RFC1: variants seen among roughly 807,000 people sequenced by gnomAD.
The protein encoded by RFC1 is replication factor C subunit 1.
In RFC1, 37 loss-of-function variants were observed where a neutral mutation model predicts 137.4. The ratio of observed to expected loss-of-function variants is 0.27; its 90% CI spans 0.21 to 0.35. The LOEUF (loss-of-function observed/expected upper bound fraction) is 0.35. RFC1 is among the 10% of genes least tolerant of loss of function. The pLI is 1.00. For missense variants in RFC1, 1,205 were observed against 1,358.5 expected, an observed-to-expected ratio of 0.89 and a Z score of 1.78; for synonymous variants, 429 against 455.7, an observed-to-expected ratio of 0.94 and a Z score of 0.75.
intron 1 of RFC1, among the ~76,000 whole-genome samples, chr4:39,364,582 T>C (rs1266132210): frequency 1.3e-5 from 2 of 152,188 alleles, no homozygotes; most frequent in Non-Finnish European, 2.9e-5. Context: ...ACACAAGCTA[T>C]GTTCACCATA....
chr4:39,347,877 T>C (rs1302392180), intron 2 of RFC1, among the ~76,000 whole-genome samples: 1 of 152,228 alleles, frequency 6.6e-6, no homozygotes, highest in Non-Finnish European at 1.5e-5. Context: ...ACAATTCTTA[T>C]TATAAAGTGG....
chr4:39,316,862 G>T, intron 10 of RFC1, 53 bp downstream of exon 10: 1 of 1,040,020 alleles, frequency 9.6e-7, no homozygotes, highest in South Asian at 1.3e-5. Flanking sequence ...TACATACATG[G>T]ACCCATACGG....
At chr4:39,291,175 G>A (rs992132504) in intron 23 of RFC1, among the ~76,000 whole-genome samples, 3 of 152,106 alleles carry the variant, frequency 2.0e-5, no homozygotes, top group African/African-American at 4.8e-5. Context: ...TAAGAAAAGT[G>A]GGGATACATT....
chr4:39,341,930 G>C (rs771550615), intron 4 of RFC1, among the ~76,000 whole-genome samples: 133 of 152,232 alleles, frequency 8.7e-4, no homozygotes, highest in Non-Finnish European at 1.6e-3. Flanking sequence ...TAAATTTGTA[G>C]TGTCACCAGA....
At chr4:39,328,637 G>A (rs1239978689) in intron 4 of RFC1, among the ~76,000 whole-genome samples, 3 of 152,168 alleles carry the variant, frequency 2.0e-5, no homozygotes, top group Admixed American at 6.5e-5. Flanking sequence ...CAATGCGGAG[G>A]CGTGCCAGAA....
At chr4:39,295,477 C>A (rs956063718) in intron 22 of RFC1, 137 bp downstream of exon 22, 3 of 644,764 alleles carry the variant, frequency 4.7e-6, no homozygotes, top group Non-Finnish European at 7.4e-6. Context: ...ATATAAGGAA[C>A]TTATCCAGGA....
chr4:39,305,844 G>A (rs1477431818), intron 14 of RFC1, among the ~76,000 whole-genome samples: 5 of 151,910 alleles, frequency 3.3e-5, no homozygotes, highest in African/African-American at 1.2e-4. Flanking sequence ...TAGGGACTAG[G>A]AAAAAAATGT....
chr4:39,311,697 A>G, intron 11 of RFC1, 148 bp from the exon 12 acceptor site: 1 of 575,744 alleles, frequency 1.7e-6, no homozygotes, highest in Non-Finnish European at 3.0e-6. Context: ...AAGAAAAACA[A>G]AAAATAGCAC....
chr4:39,304,948 C>T lies in RFC1; in HGVS notation c.1996-20G>A. ...CAACTCCTAATCAAAATATTGGAAA[C>T]CACTGAAGGCACAATACAAATTAAC... On this transcript the variant is annotated intron_variant, in intron 14 of 24. Transcript: ENST00000349703. 7 of 1,404,476 alleles carry T rather than the reference C, an allele frequency of 5.0e-6. No homozygotes were observed. Among genetic ancestry groups the T allele is most frequent in the Non-Finnish European group, 7.1e-6 (7 of 989,088 alleles). 87.0% of individuals were successfully genotyped at this position (1,404,476 alleles called of 1,614,324 possible). A position where few individuals can be genotyped will look rare whatever the true frequency, so the allele number is the denominator to read the frequency against.
At chr4:39,319,114 T>G (rs1209218585) in intron 9 of RFC1, among the ~76,000 whole-genome samples, 1 of 152,184 alleles carries the variant, frequency 6.6e-6, no homozygotes, top group African/African-American at 2.4e-5. Context: ...CAAATAACAA[T>G]CATTTTAATA....
chr4:39,317,680 C>G (rs1000442745), intron 9 of RFC1, among the ~76,000 whole-genome samples: 5 of 152,312 alleles, frequency 3.3e-5, no homozygotes, highest in Middle Eastern at 3.4e-3. Flanking sequence ...CTCCAAGTTT[C>G]TCTTTCGGAG....
chr4:39,306,939 G>T (rs575567101), intron 13 of RFC1, among the ~76,000 whole-genome samples: 1 of 152,246 alleles, frequency 6.6e-6, no homozygotes, highest in South Asian at 2.1e-4. Flanking sequence ...TAAAACTCTT[G>T]ATTTGAAATA....
chr4:39,313,344 G>C (rs752861787), intron 10 of RFC1, among the ~76,000 whole-genome samples: 2 of 152,134 alleles, frequency 1.3e-5, no homozygotes, highest in Non-Finnish European at 2.9e-5. Context: ...TTCCCAACAA[G>C]AATTTAATAG....
At chr4:39,361,835 T>C (rs1403885175) in intron 1 of RFC1, among the ~76,000 whole-genome samples, 1 of 151,954 alleles carries the variant, frequency 6.6e-6, no homozygotes, top group Admixed American at 6.6e-5. Context: ...GATCACGAGG[T>C]CAGGAGATCG....
intron 4 of RFC1, among the ~76,000 whole-genome samples, chr4:39,332,343 T>C (rs967506987): frequency 1.3e-5 from 2 of 152,232 alleles, no homozygotes; most frequent in East Asian, 1.9e-4. Flanking sequence ...TCATTATTTA[T>C]CAGCACCTCT....
chr4:39,340,683 T>A (rs1024721659), intron 4 of RFC1, among the ~76,000 whole-genome samples: 2 of 152,202 alleles, frequency 1.3e-5, no homozygotes, highest in African/African-American at 4.8e-5. Context: ...GGGCTTTTTT[T>A]AATAGTCTCA....
rs1236637691 is a variant in RFC1 at position 39,322,014 on chromosome 4, A to G, written c.721-640T>C. 2.0e-5 allele frequency among the ~76,000 whole-genome samples: 3 copies of G among 152,170 alleles called. 1 individual carries two copies. The highest frequency in any genetic ancestry group is 7.2e-5 in the African/African-American group (3 of 41,450). On this transcript the variant is annotated intron_variant, in intron 7 of 24. Coordinates refer to ENST00000349703, the MANE Select transcript of RFC1 (RefSeq NM_002913.5). ...CAACTCTCTGCTTTAAAGAAGTAAA[A>G]TCTTTTGAAGTAATCACATATTGAC...
intron 2 of RFC1, among the ~76,000 whole-genome samples, chr4:39,351,074 C>T (rs1741162847): frequency 6.6e-6 from 1 of 151,698 alleles, no homozygotes; most frequent in Non-Finnish European, 1.5e-5. Flanking sequence ...CACGGTGAAA[C>T]CCCGTCTCTA....
In RFC1 at chr4:39,298,305, C is replaced by A. The variant is rs1379495566; in HGVS notation, c.2808+1716G>T. ...ACTGCCTGACAGAGTGAGACCTTGT[C>A]TCAAAAAAAAAAAAAAAAAAAAAAA... On this transcript the variant is annotated intron_variant, in intron 21 of 24. Coordinates refer to ENST00000349703, the MANE Select transcript of RFC1 (RefSeq NM_002913.5). 1.9e-4 allele frequency among the ~76,000 whole-genome samples: 4 copies of A among 21,222 alleles called. No individual in the cohort carries two copies. The Admixed American group carries it at 2.3e-3, about 12-fold the overall frequency. 13.9% of individuals were successfully genotyped at this position (21,222 alleles called of 152,430 possible). A position where few individuals can be genotyped will look rare whatever the true frequency, so the allele number is the denominator to read the frequency against.
Sources: gnomAD v4.1 joint callset for allele counts (sites outside exome capture counted in the v4.1 genomes callset) on GRCh38, gnomAD v4.1.1 for gene constraint, MANE v1.5 for transcripts, NCBI Gene and HGNC (gene_info 2026-07-23, HGNC 2026-07-21) for gene names.